TPD52: variants seen among roughly 807,000 people sequenced by gnomAD.
The protein encoded by TPD52 is tumor protein D52, also known as prostate and colon associated protein.
A neutral mutation model predicts 31.3 loss-of-function variants in TPD52; 17 were observed. That is an observed-to-expected ratio of 0.54 (90% CI 0.37 to 0.82). The LOEUF is 0.82. TPD52 is among the 40% of genes least tolerant of loss of function. The probability of loss-of-function intolerance (pLI) is 0.00; values close to 1 mark genes in which losing one functional copy is unlikely to be tolerated. For missense variants in TPD52, 212 were observed against 240.1 expected, an observed-to-expected ratio of 0.88 and a Z score of 0.77; for synonymous variants, 83 against 89.6, an observed-to-expected ratio of 0.93 and a Z score of 0.42.
chr8:80,106,642 C>T (rs1807137725), intron 1 of TPD52, among the ~76,000 whole-genome samples: 1 of 151,616 alleles, frequency 6.6e-6, no homozygotes. Context: ...AGACATGAGC[C>T]ACTGTGTCCA....
intron 1 of TPD52, among the ~76,000 whole-genome samples, chr8:80,085,016 T>C (rs1486804286): frequency 6.6e-6 from 1 of 152,238 alleles, no homozygotes; most frequent in Non-Finnish European, 1.5e-5. Flanking sequence ...TAAAAATATT[T>C]ATGAATTTTA....
chr8:80,163,514 T>C (rs1214262241), intron 1 of TPD52, among the ~76,000 whole-genome samples: 2 of 152,196 alleles, frequency 1.3e-5, no homozygotes, highest in Admixed American at 6.5e-5. Flanking sequence ...AGAGTTTTCA[T>C]TTTGAAAAAT....
At chr8:80,092,547 A>T (rs528597294) in intron 1 of TPD52, among the ~76,000 whole-genome samples, 1 of 152,226 alleles carries the variant, frequency 6.6e-6, no homozygotes, top group Non-Finnish European at 1.5e-5. Flanking sequence ...AGTTGAATAA[A>T]GAAAATTGTG....
chr8:80,078,845 C>G (rs570385268), intron 1 of TPD52, among the ~76,000 whole-genome samples: 1 of 152,282 alleles, frequency 6.6e-6, no homozygotes, highest in South Asian at 2.1e-4. Context: ...CCCAACCCTA[C>G]AACTGCCCTG....
At chr8:80,093,826 T>G (rs1242327828) in intron 1 of TPD52, among the ~76,000 whole-genome samples, 3 of 152,218 alleles carry the variant, frequency 2.0e-5, no homozygotes, top group Non-Finnish European at 4.4e-5. Context: ...AGAAATGACA[T>G]TTCCAATTCC....
chr8:80,045,451 ATG>A (rs1156503403), intron 5 of TPD52, among the ~76,000 whole-genome samples: 2 of 152,226 alleles, frequency 1.3e-5, no homozygotes, highest in East Asian at 3.8e-4. Context: ...TGTATGAAAA[ATG>A]AAGGAGTGAA....
intron 3 of TPD52, 26 bp from the exon 4 acceptor site, chr8:80,051,654 G>A: frequency 3.3e-6 from 5 of 1,534,822 alleles, no homozygotes; most frequent in Non-Finnish European, 4.4e-6. Flanking sequence ...AACACACAGA[G>A]CAAAAGAAGG....
chr8:80,154,842 T>C (rs1292208121), intron 1 of TPD52, among the ~76,000 whole-genome samples: 1 of 152,052 alleles, frequency 6.6e-6, no homozygotes, highest in Non-Finnish European at 1.5e-5. Context: ...TTTTCTATTA[T>C]TCCTGCAGAA....
intron 7 of TPD52, among the ~76,000 whole-genome samples, chr8:80,039,179 T>G (rs1366404080): frequency 1.3e-5 from 2 of 152,220 alleles, no homozygotes; most frequent in African/African-American, 4.8e-5. Flanking sequence ...CCAAATTGTT[T>G]GGGAAATGCG....
At chr8:80,044,535 G>C (rs904491938) in intron 5 of TPD52, among the ~76,000 whole-genome samples, 1 of 152,084 alleles carries the variant, frequency 6.6e-6, no homozygotes, top group African/African-American at 2.4e-5. Flanking sequence ...ATCAAGAATA[G>C]AACTTGGGTC....
At chr8:80,071,612 C>T (rs1813795560) in intron 1 of TPD52, among the ~76,000 whole-genome samples, 1 of 152,176 alleles carries the variant, frequency 6.6e-6, no homozygotes, top group Non-Finnish European at 1.5e-5. Flanking sequence ...TCTCCTCCCT[C>T]CTGGTTTTTC....
intron 1 of TPD52, chr8:80,158,642 C>CAAA: frequency 6.9e-6 from 1 of 144,186 alleles, no homozygotes; most frequent in Non-Finnish European, 1.5e-5. Flanking sequence ...AACCCTGTCT[C>CAAA]AAAAAAAAAA....
At chr8:80,038,307 CTA>C in intron 7 of TPD52, 72 bp from the exon 8 acceptor site, 1 of 1,520,346 alleles carries the variant, frequency 6.6e-7, no homozygotes, top group East Asian at 2.3e-5. Context: ...TAAAGTAACT[CTA>C]ATTCACTTTC....
At chr8:80,039,890 T>A (rs568585720) in intron 7 of TPD52, among the ~76,000 whole-genome samples, 1 of 152,232 alleles carries the variant, frequency 6.6e-6, no homozygotes, top group South Asian at 2.1e-4. Context: ...CATCACACCC[T>A]CAGCTTTTCA....
chr8:80,053,184 T>C lies in TPD52; in HGVS notation c.284+98A>G, dbSNP rs370353131. 13 of 1,339,766 alleles carry C rather than the reference T, an allele frequency of 9.7e-6. 1 individual carries two copies. The South Asian group carries it at 1.7e-4, about 17-fold the overall frequency. The allele number at this position is 1,339,766 out of a possible 1,614,324, so 83.0% of individuals were successfully genotyped here. A position where few individuals can be genotyped will look rare whatever the true frequency, so the allele number is the denominator to read the frequency against. Reference sequence around the variant, plus strand: ...GCCGTGTCGTCCAAAGAAAAGCTGCTGAAGCATCCTTATCCTCTTTTTCTT... The same window carrying C: ...GCCGTGTCGTCCAAAGAAAAGCTGCCGAAGCATCCTTATCCTCTTTTTCTT... On this transcript the variant is annotated intron_variant, in intron 3 of 7. Coordinates refer to ENST00000518937, the MANE Select transcript of TPD52 (RefSeq NM_001025253.3).
chr8:80,124,668 A>C (rs1202990197), intron 1 of TPD52, among the ~76,000 whole-genome samples: 1 of 152,200 alleles, frequency 6.6e-6, no homozygotes, highest in Non-Finnish European at 1.5e-5. Flanking sequence ...GTTTATATGA[A>C]TTTCACTAGC....
chr8:80,079,844 C>T, intron 1 of TPD52, among the ~76,000 whole-genome samples: 1 of 152,060 alleles, frequency 6.6e-6, no homozygotes, highest in East Asian at 1.9e-4. Context: ...AAATCTCTTG[C>T]CTAGCAATTT....
intron 1 of TPD52, chr8:80,064,829 T>C (rs1205193333): frequency 3.1e-6 from 2 of 648,382 alleles, no homozygotes; most frequent in East Asian, 3.1e-5. Flanking sequence ...TAGCATTCTC[T>C]TAGCTTCTGT....
At chr8:80,051,690 T>C (rs898109743) in intron 3 of TPD52, 62 bp from the exon 4 acceptor site, 9 of 1,354,270 alleles carry the variant, frequency 6.6e-6, no homozygotes, top group African/African-American at 1.5e-5. Context: ...CTAATATCAA[T>C]TGTTTCAAGT....
Sources: gnomAD v4.1 joint callset for allele counts (sites outside exome capture counted in the v4.1 genomes callset) on GRCh38, gnomAD v4.1.1 for gene constraint, MANE v1.5 for transcripts, NCBI Gene and HGNC (gene_info 2026-07-23, HGNC 2026-07-21) for gene names.